AQR: variants seen among roughly 807,000 people sequenced by gnomAD.
The protein encoded by AQR is aquarius intron-binding spliceosomal factor, also known as RNA helicase aquarius.
Under a neutral mutation model 180.5 loss-of-function variants are expected in AQR, and 61 were observed. That is an observed-to-expected ratio of 0.34 (90% CI 0.28 to 0.42). The LOEUF (loss-of-function observed/expected upper bound fraction) is 0.42. Among genes scored for constraint, AQR ranks in the 10% least tolerant of loss-of-function variants. AQR has a pLI of 1.00. For missense variants in AQR, 1,281 were observed against 1,798.3 expected (o/e 0.71, Z 5.20); for synonymous variants, 551 against 588.8 (o/e 0.94, Z 0.93).
intron 34 of AQR, among the ~76,000 whole-genome samples, chr15:34,858,203 C>T (rs535027467): frequency 3.3e-5 from 5 of 151,542 alleles, no homozygotes; most frequent in South Asian, 2.1e-4. Context: ...AGGCTGGTCT[C>T]GAACTCCTGA....
intron 11 of AQR, among the ~76,000 whole-genome samples, chr15:34,930,594 T>C (rs1289866302): frequency 6.6e-6 from 1 of 152,208 alleles, no homozygotes; most frequent in Non-Finnish European, 1.5e-5. Flanking sequence ...TTCATATACA[T>C]GGTCTACTTC....
intron 17 of AQR, among the ~76,000 whole-genome samples, chr15:34,907,334 G>A (rs1164324320): frequency 6.6e-6 from 1 of 152,188 alleles, no homozygotes; most frequent in Non-Finnish European, 1.5e-5. Context: ...TTGGTCACTA[G>A]ACCCAATAAA....
chr15:34,930,502 CAA>C lies in AQR; in HGVS notation c.901-133_901-132del, dbSNP rs1566991604. The C allele has an allele frequency of 7.3e-6, 4 of 546,734 alleles. No individual in the cohort carries two copies. The Admixed American group carries it at 1.2e-4, about 17-fold the overall frequency. The allele number at this position is 546,734 out of a possible 1,614,324, so 33.9% of individuals were successfully genotyped here. On this transcript the variant is annotated intron_variant, in intron 11 of 34. Transcript: ENST00000156471. ...AAAAAACTCAGGAATGTAAACATTA[CAA>C]AAAAGATTTTAGAACATATCCAACT...
intron 16 of AQR, among the ~76,000 whole-genome samples, chr15:34,913,569 T>C (rs1002724194): frequency 6.6e-6 from 1 of 152,188 alleles, no homozygotes; most frequent in Non-Finnish European, 1.5e-5. Flanking sequence ...GAAAATGGTA[T>C]AATTAAAAAA....
intron 20 of AQR, among the ~76,000 whole-genome samples, chr15:34,898,903 C>G (rs1893289160): frequency 6.9e-6 from 1 of 145,584 alleles, no homozygotes; most frequent in Non-Finnish European, 1.5e-5. Flanking sequence ...CGCGGTGGCT[C>G]ACGCCTGTAA....
chr15:34,872,176 C>G (rs1262379716), intron 30 of AQR, among the ~76,000 whole-genome samples: 1 of 152,100 alleles, frequency 6.6e-6, no homozygotes, highest in Non-Finnish European at 1.5e-5. Context: ...TGTATTGTGA[C>G]CAAACATTTT....
intron 23 of AQR, 28 bp downstream of exon 23, chr15:34,893,635 A>G (rs1438051231): frequency 1.1e-5 from 17 of 1,560,242 alleles, no homozygotes; most frequent in African/African-American, 3.2e-5. Flanking sequence ...ACACACACAC[A>G]CACACACACA....
chr15:34,928,254 T>C (rs888116576), intron 12 of AQR, among the ~76,000 whole-genome samples: 6 of 152,176 alleles, frequency 3.9e-5, no homozygotes, highest in African/African-American at 7.2e-5. Flanking sequence ...AAAAATGGGA[T>C]ACATGTGGAA....
intron 4 of AQR, among the ~76,000 whole-genome samples, chr15:34,949,714 T>C (rs1894188980): frequency 6.6e-6 from 1 of 150,420 alleles, no homozygotes; most frequent in Non-Finnish European, 1.5e-5. Flanking sequence ...CCCAGTACTT[T>C]GGGAGGCCAA....
intron 1 of AQR, among the ~76,000 whole-genome samples, chr15:34,967,512 A>T (rs529018858): frequency 2.6e-5 from 4 of 152,186 alleles, no homozygotes; most frequent in Non-Finnish European, 5.9e-5. Context: ...AGAGACCTCT[A>T]ATCTCGTTTA....
chr15:34,919,805 C>T (rs1431015319), intron 14 of AQR, among the ~76,000 whole-genome samples: 3 of 151,618 alleles, frequency 2.0e-5, no homozygotes, highest in Non-Finnish European at 2.9e-5. Flanking sequence ...AGATGAGGCA[C>T]GAGAATCACT....
At chr15:34,917,936 CTG>C (rs1893621557) in intron 15 of AQR, among the ~76,000 whole-genome samples, 1 of 151,826 alleles carries the variant, frequency 6.6e-6, no homozygotes. Flanking sequence ...TGAGCTGAGA[CTG>C]CACCACTGCG....
At position 34,854,353 on chromosome 15, in the gene AQR, C is replaced by T. The variant is rs1268906503; in HGVS notation, c.*2439G>A. On this transcript the variant is annotated 3_prime_UTR_variant, in exon 35 of 35. Coordinates refer to ENST00000156471, the MANE Select transcript of AQR (RefSeq NM_014691.3). Reference sequence around the variant, plus strand: ...AGTCACATGGCTAGAGTACCTGTGTCTGTAGTAATCCCAAACTATATAGAA... The same window carrying T: ...AGTCACATGGCTAGAGTACCTGTGTTTGTAGTAATCCCAAACTATATAGAA... 1 of 152,066 alleles carries T rather than the reference C, an allele frequency of 6.6e-6. No individual in the cohort carries two copies. The highest frequency in any genetic ancestry group is 2.4e-5 in the African/African-American group (1 of 41,398). 9.4% of individuals were successfully genotyped at this position (152,066 alleles called of 1,614,324 possible). A position where few individuals can be genotyped will look rare whatever the true frequency, so the allele number is the denominator to read the frequency against.
intron 8 of AQR, among the ~76,000 whole-genome samples, chr15:34,939,248 C>A (rs1455143507): frequency 6.6e-6 from 1 of 152,042 alleles, no homozygotes; most frequent in East Asian, 1.9e-4. Context: ...TTTGTATTTT[C>A]AGTAGAGATG....
chr15:34,961,751 C>T (rs914105292), intron 2 of AQR, among the ~76,000 whole-genome samples: 1 of 149,446 alleles, frequency 6.7e-6, no homozygotes, highest in African/African-American at 2.5e-5. Context: ...ATGGCTGGAA[C>T]TCTTAGGCAA....
At chr15:34,955,921 A>AG (rs900967548) in intron 3 of AQR, among the ~76,000 whole-genome samples, 1 of 152,000 alleles carries the variant, frequency 6.6e-6, no homozygotes, top group East Asian at 1.9e-4. Flanking sequence ...AAAAAAAAAA[A>AG]AAAATGAAGC....
chr15:34,876,265 T>C (rs1892888302), intron 27 of AQR, among the ~76,000 whole-genome samples: 1 of 152,240 alleles, frequency 6.6e-6, no homozygotes, highest in Non-Finnish European at 1.5e-5. Flanking sequence ...TGAAAAGATC[T>C]TGTATATCAT....
At chr15:34,917,524 T>C (rs542043876) in intron 15 of AQR, among the ~76,000 whole-genome samples, 2 of 152,340 alleles carry the variant, frequency 1.3e-5, no homozygotes, top group Non-Finnish European at 2.9e-5. Context: ...AAGGGTTTAC[T>C]ATCAATAAAT....
intron 2 of AQR, among the ~76,000 whole-genome samples, chr15:34,961,880 T>C (rs74736454): frequency 0.062 from 9,436 of 152,004 alleles, 329 homozygotes; most frequent in Middle Eastern, 0.092. Flanking sequence ...TTAGTACAAA[T>C]ACTGGCATAC....
Sources: gnomAD v4.1 joint callset for allele counts (sites outside exome capture counted in the v4.1 genomes callset) on GRCh38, gnomAD v4.1.1 for gene constraint, MANE v1.5 for transcripts, NCBI Gene and HGNC (gene_info 2026-07-23, HGNC 2026-07-21) for gene names.